Variants in KLHL4 observed in about 807,000 individuals in gnomAD.
KLHL4 encodes kelch like family member 4.
KLHL4 carries 17 observed loss-of-function variants against 45.8 expected under a neutral mutation model. That is an observed-to-expected ratio of 0.37 (90% CI 0.25 to 0.56). KLHL4 has a LOEUF of 0.56. KLHL4 is among the 20% of genes least tolerant of loss of function. The probability of loss-of-function intolerance (pLI) is 0.79; values close to 1 mark genes in which losing one functional copy is unlikely to be tolerated. For synonymous variants in KLHL4, 224 were observed against 189.9 expected, an observed-to-expected ratio of 1.18 and a Z score of -1.47; for missense variants, 544 against 544.9, an observed-to-expected ratio of 1.00 and a Z score of 0.02.
At chrX:87,554,676 G>A (rs1374681995) in intron 1 of KLHL4, among the ~76,000 whole-genome samples, 1 of 108,200 alleles carries the variant, frequency 9.2e-6, no homozygotes, top group Non-Finnish European at 1.9e-5. Flanking sequence ...GGGACAATTT[G>A]ACTTCCTCTT....
chrX:87,644,082 A>G (rs1923550340), intron 9 of KLHL4, among the ~76,000 whole-genome samples: 1 of 111,566 alleles, frequency 9.0e-6, no homozygotes, highest in African/African-American at 3.3e-5. Flanking sequence ...AATAAAGGGC[A>G]TCCAAATCAG....
chrX:87,662,015 T>C (rs1384064910), intron 9 of KLHL4, among the ~76,000 whole-genome samples: 1 of 111,875 alleles, frequency 8.9e-6, no homozygotes, highest in Non-Finnish European at 1.9e-5. Context: ...CATATGTTAA[T>C]TACTCAATAG....
At chrX:87,520,863 G>T (rs1292155592) in intron 1 of KLHL4, among the ~76,000 whole-genome samples, 1 of 111,727 alleles carries the variant, frequency 9.0e-6, no homozygotes. Context: ...ATTTAATTAT[G>T]AAATAATATA....
chrX:87,629,763 A>G (rs1321116089), intron 6 of KLHL4, among the ~76,000 whole-genome samples: 2 of 111,890 alleles, frequency 1.8e-5, no homozygotes, highest in African/African-American at 3.2e-5. Context: ...GGAAATGGAA[A>G]GAATTGGAAA....
rs770254301 is a variant in KLHL4, at chrX:87,581,612, G to A, written c.423-32265G>A. Among the ~76,000 whole-genome samples the A allele has an allele frequency of 7.1e-5, 8 of 112,268 alleles. No homozygotes were observed. In the South Asian group the frequency reaches 1.1e-3, roughly 15 times the overall value. On this transcript the variant is annotated intron_variant, in intron 1 of 10. Coordinates refer to ENST00000373119, the MANE Select transcript of KLHL4 (RefSeq NM_019117.5). ...CTAAAATATAGAGCAGACCCACTGCGGACTGCAGCAGCCCTATGGAAGAGT... is the reference window on the plus strand; with the variant it reads ...CTAAAATATAGAGCAGACCCACTGCAGACTGCAGCAGCCCTATGGAAGAGT...
chrX:87,603,643 CA>C (rs1476910726), intron 1 of KLHL4, among the ~76,000 whole-genome samples: 2 of 110,513 alleles, frequency 1.8e-5, no homozygotes, highest in Non-Finnish European at 3.8e-5. Flanking sequence ...ATATAATGAT[CA>C]AATCATGATA....
chrX:87,605,351 G>C (rs978898296), intron 1 of KLHL4, among the ~76,000 whole-genome samples: 7 of 110,683 alleles, frequency 6.3e-5, no homozygotes, highest in Non-Finnish European at 1.1e-4. Flanking sequence ...GATTGCATTG[G>C]GTAGTATGGC....
chrX:87,606,998 AT>A (rs1317550677), intron 1 of KLHL4, among the ~76,000 whole-genome samples: 2 of 112,194 alleles, frequency 1.8e-5, no homozygotes, highest in Admixed American at 9.5e-5. Flanking sequence ...TTTTGAAGAC[AT>A]ATCTGAGGAC....
At chrX:87,655,618 G>A (rs552486471) in intron 9 of KLHL4, among the ~76,000 whole-genome samples, 3 of 110,347 alleles carry the variant, frequency 2.7e-5, no homozygotes, top group African/African-American at 3.3e-5. Context: ...GTGTATGGTC[G>A]GATCCTTTTT....
At chrX:87,642,392 A>G (rs1048346650) in intron 9 of KLHL4, among the ~76,000 whole-genome samples, 1 of 111,647 alleles carries the variant, frequency 9.0e-6, no homozygotes, top group African/African-American at 3.3e-5. Context: ...ATCTGAAAAA[A>G]CAGTCTTCAG....
chrX:87,667,823 T>A lies in KLHL4; in HGVS notation c.*1289T>A, dbSNP rs901471805. 1 of 666,483 alleles carries A rather than the reference T, an allele frequency of 1.5e-6. No individual in the cohort carries two copies. Among genetic ancestry groups the A allele is most frequent in the Non-Finnish European group, 1.8e-6 (1 of 560,572 alleles). 54.9% of individuals were successfully genotyped at this position (666,483 alleles called of 1,213,427 possible). A position where few individuals can be genotyped will look rare whatever the true frequency, so the allele number is the denominator to read the frequency against. ...ATTGTGAAATCAAAATCTGGAGAAA[T>A]GCTTATAAAATATACTACTAGCTTT... On this transcript the variant is annotated 3_prime_UTR_variant, in exon 11 of 11. Transcript: ENST00000373119.
At chrX:87,560,266 C>G (rs1194062516) in intron 1 of KLHL4, among the ~76,000 whole-genome samples, 1 of 112,036 alleles carries the variant, frequency 8.9e-6, no homozygotes, top group African/African-American at 3.2e-5. Context: ...ATATTCTACC[C>G]TTATCCGTGT....
chrX:87,558,040 A>G (rs1932017604), intron 1 of KLHL4, among the ~76,000 whole-genome samples: 1 of 112,066 alleles, frequency 8.9e-6, no homozygotes, highest in Admixed American at 9.5e-5. Context: ...GAAATTGCTT[A>G]AAGATCATGG....
At chrX:87,574,450 G>A (rs905179463) in intron 1 of KLHL4, among the ~76,000 whole-genome samples, 13 of 111,491 alleles carry the variant, frequency 1.2e-4, no homozygotes, top group Non-Finnish European at 2.1e-4. Flanking sequence ...TTCTAAATAT[G>A]TATTAGATTG....
At chrX:87,553,390 A>C (rs1250037058) in intron 1 of KLHL4, among the ~76,000 whole-genome samples, 1 of 111,187 alleles carries the variant, frequency 9.0e-6, no homozygotes, top group East Asian at 2.8e-4. Context: ...CATTTTATTT[A>C]AAAATATATT....
intron 1 of KLHL4, among the ~76,000 whole-genome samples, chrX:87,577,564 G>A (rs966837452): frequency 1.8e-5 from 2 of 111,579 alleles, no homozygotes; most frequent in African/African-American, 6.5e-5. Flanking sequence ...CAATTCTGAC[G>A]TTAGATCTCT....
intron 5 of KLHL4, among the ~76,000 whole-genome samples, chrX:87,624,928 T>C (rs905949315): frequency 1.6e-4 from 18 of 112,235 alleles, no homozygotes; most frequent in African/African-American, 5.8e-4. Flanking sequence ...CCATCCACCA[T>C]GTCTGTTATT....
chrX:87,546,464 C>T (rs1931686095), intron 1 of KLHL4, among the ~76,000 whole-genome samples: 1 of 112,182 alleles, frequency 8.9e-6, no homozygotes, highest in Non-Finnish European at 1.9e-5. Context: ...TATGGAAACA[C>T]CTGGATGTTC....
At chrX:87,656,195 T>C (rs1335522780) in intron 9 of KLHL4, among the ~76,000 whole-genome samples, 1 of 110,785 alleles carries the variant, frequency 9.0e-6, no homozygotes, top group African/African-American at 3.3e-5. Flanking sequence ...TTCTCTGGAG[T>C]TTTTTGAGTT....
Sources: gnomAD v4.1 joint callset for allele counts (sites outside exome capture counted in the v4.1 genomes callset) on GRCh38, gnomAD v4.1.1 for gene constraint, MANE v1.5 for transcripts, NCBI Gene and HGNC (gene_info 2026-07-23, HGNC 2026-07-21) for gene names.